TRPM3: variants seen among roughly 807,000 people sequenced by gnomAD.
The protein encoded by TRPM3 is long transient receptor potential channel 3.
TRPM3 carries 77 observed loss-of-function variants against 181.2 expected under a neutral mutation model. The observed-to-expected ratio is 0.42, with a 90% CI of 0.35 to 0.51. The LOEUF (loss-of-function observed/expected upper bound fraction) is 0.51. Among genes scored for constraint, TRPM3 ranks in the 20% least tolerant of loss-of-function variants. TRPM3 has a pLI of 0.01. For missense variants in TRPM3, 1,759 were observed against 2,196.7 expected, an observed-to-expected ratio of 0.80 and a Z score of 3.98; for synonymous variants, 745 against 796.4, an observed-to-expected ratio of 0.94 and a Z score of 1.09.
intron 1 of TRPM3, among the ~76,000 whole-genome samples, chr9:71,216,328 T>G (rs2079865328): frequency 6.6e-6 from 1 of 152,242 alleles, no homozygotes; most frequent in Non-Finnish European, 1.5e-5. Flanking sequence ...TAAAAGATCT[T>G]TACACTTATT....
intron 1 of TRPM3, among the ~76,000 whole-genome samples, chr9:71,031,961 AT>A (rs1565020813): frequency 0.013 from 4 of 300 alleles, no homozygotes; most frequent in African/African-American, 0.028. Flanking sequence ...ATATATAATT[AT>A]ATATATATAT....
chr9:70,945,370 T>G (rs755719485), intron 1 of TRPM3, among the ~76,000 whole-genome samples: 1 of 152,262 alleles, frequency 6.6e-6, no homozygotes, highest in Non-Finnish European at 1.5e-5. Flanking sequence ...CAGTATTTGC[T>G]ATAAGGTAGT....
intron 1 of TRPM3, among the ~76,000 whole-genome samples, chr9:70,944,151 G>A (rs770371339): frequency 5.9e-5 from 9 of 152,210 alleles, no homozygotes; most frequent in Admixed American, 2.0e-4. Flanking sequence ...ATTCAGTCTG[G>A]CCTCTGATCT....
chr9:71,302,781 TA>T lies in TRPM3; in HGVS notation c.183+143871del, dbSNP rs972138413. Among the ~76,000 whole-genome samples, 987 of 117,272 alleles carry T rather than the reference TA, an allele frequency of 8.4e-3. 10 individuals are homozygous for T. The highest frequency in any genetic ancestry group is 0.022 in the African/African-American group (691 of 31,148). 76.9% of individuals were successfully genotyped at this position (117,272 alleles called of 152,430 possible). A position where few individuals can be genotyped will look rare whatever the true frequency, so the allele number is the denominator to read the frequency against. ...ATTGCAGAATATGGAATAAATATTCTAAAAAAAAAAAGGAAGGAAGGAAGAA... is the reference window on the plus strand; with the variant it reads ...ATTGCAGAATATGGAATAAATATTCTAAAAAAAAAAGGAAGGAAGGAAGAA... On this transcript the variant is annotated intron_variant, in intron 1 of 24. Transcript: ENST00000357533.
Position 71,298,829 on chromosome 9 carries a change from C to T in TRPM3, c.183+147824G>A, listed in dbSNP as rs1022138757. 2.0e-5 allele frequency among the ~76,000 whole-genome samples: 3 copies of T among 152,014 alleles called. No homozygotes were observed. In the South Asian group the frequency reaches 6.2e-4, roughly 32 times the overall value. On this transcript the variant is annotated intron_variant, in intron 1 of 24. Coordinates refer to the TRPM3 transcript ENST00000357533. ...AATAAATCTCAGTATTTTTATGAAA[C>T]CCTCTTTTATAAGGAAAAAGACACC...
chr9:70,890,751 G>A (rs1046994881), intron 1 of TRPM3, among the ~76,000 whole-genome samples: 3 of 151,940 alleles, frequency 2.0e-5, no homozygotes, highest in East Asian at 3.9e-4. Flanking sequence ...ACATTTCATG[G>A]GATGCTATTG....
intron 1 of TRPM3, among the ~76,000 whole-genome samples, chr9:71,189,942 A>T (rs923501985): frequency 5.9e-5 from 9 of 151,910 alleles, no homozygotes; most frequent in African/African-American, 1.9e-4. Context: ...TGCTATTCAT[A>T]TAAAAATTTA....
At chr9:71,166,974 A>G (rs2076570915) in intron 1 of TRPM3, among the ~76,000 whole-genome samples, 1 of 152,324 alleles carries the variant, frequency 6.6e-6, no homozygotes, top group Non-Finnish European at 1.5e-5. Context: ...CACCATTATA[A>G]TTTCTTACTA....
intron 6 of TRPM3, 75 bp downstream of exon 6, chr9:70,827,772 G>T: frequency 1.3e-6 from 2 of 1,513,138 alleles, no homozygotes; most frequent in South Asian, 1.3e-5. Flanking sequence ...TTACATTGCT[G>T]CATGGTGTAC....
chr9:71,106,913 C>A (rs77829839), intron 1 of TRPM3, among the ~76,000 whole-genome samples: 1 of 152,022 alleles, frequency 6.6e-6, no homozygotes, highest in Non-Finnish European at 1.5e-5. Flanking sequence ...ACAGTGTAAC[C>A]CTCTTAATAG....
intron 3 of TRPM3, among the ~76,000 whole-genome samples, chr9:70,853,176 T>C (rs1162407308): frequency 1.3e-5 from 2 of 152,212 alleles, no homozygotes; most frequent in Non-Finnish European, 2.9e-5. Context: ...TTCCATTCTT[T>C]TGCTTTTCAA....
chr9:71,320,424 G>A (rs2089107313), intron 1 of TRPM3, among the ~76,000 whole-genome samples: 1 of 152,094 alleles, frequency 6.6e-6, no homozygotes, highest in Admixed American at 6.6e-5. Context: ...ACCAACATAG[G>A]TTAGTGTGGC....
chr9:70,785,078 C>G (rs1426731625), intron 6 of TRPM3, among the ~76,000 whole-genome samples: 2 of 151,874 alleles, frequency 1.3e-5, no homozygotes. Context: ...GTTGAATTAC[C>G]CAGGAGATAT....
chr9:71,351,072 C>A (rs979256614), intron 1 of TRPM3, among the ~76,000 whole-genome samples: 3 of 152,136 alleles, frequency 2.0e-5, no homozygotes, highest in African/African-American at 7.2e-5. Context: ...ATTGGGTGAT[C>A]TTTTCTTAAA....
At chr9:71,040,944 G>A (rs2058741630) in intron 1 of TRPM3, among the ~76,000 whole-genome samples, 1 of 152,182 alleles carries the variant, frequency 6.6e-6, no homozygotes, top group South Asian at 2.1e-4. Flanking sequence ...CACTTTCCTA[G>A]ACTGAAGGAA....
At chr9:71,404,657 G>A (rs1427563723) in intron 1 of TRPM3, among the ~76,000 whole-genome samples, 1 of 152,032 alleles carries the variant, frequency 6.6e-6, no homozygotes, top group Non-Finnish European at 1.5e-5. Flanking sequence ...AAAACTAGCT[G>A]GAGGTATTTC....
chr9:71,263,732 G>C (rs1473370588), intron 1 of TRPM3, among the ~76,000 whole-genome samples: 1 of 141,126 alleles, frequency 7.1e-6, no homozygotes, highest in Admixed American at 7.5e-5. Context: ...ATCAACTGAG[G>C]GAATAATCAC....
At chr9:71,175,447 C>G (rs1188031819) in intron 1 of TRPM3, among the ~76,000 whole-genome samples, 4 of 152,158 alleles carry the variant, frequency 2.6e-5, no homozygotes, top group African/African-American at 9.6e-5. Flanking sequence ...AAATAAATCT[C>G]TAACATCATA....
In TRPM3 at chr9:70,537,021, C is replaced by T. The variant is rs1345311078; in HGVS notation, c.4092G>A (p.Lys1364=). Residue 1364 remains lysine, a synonymous_variant, in exon 26 of 26, where the codon AAG becomes AAA. Coordinates refer to ENST00000677713, the MANE Select transcript of TRPM3 (RefSeq NM_001366145.2). ...ACCTTTCTTTAAAAATACTTTCCAA[C>T]TTTTCTATACCACCTTTGTCTTTCA... ...VNMKDKGGIE[K]LESIFKERSL... 1 of 1,610,288 alleles carries T rather than the reference C, an allele frequency of 6.2e-7. No homozygotes were observed. The highest frequency in any genetic ancestry group is 2.2e-5 in the East Asian group (1 of 44,732).
Sources: allele counts gnomAD v4.1 joint callset (sites outside exome capture counted in the v4.1 genomes callset), GRCh38; gene constraint gnomAD v4.1.1; transcripts MANE v1.5; gene names NCBI Gene and HGNC (gene_info 2026-07-23, HGNC 2026-07-21).